The following ANKDD1B variants were observed in gnomAD, a reference collection of about 807,000 sequenced individuals.
ANKDD1B encodes ankyrin repeat and death domain-containing protein 1B.
In ANKDD1B, 57 loss-of-function variants were observed where a neutral mutation model predicts 59.7. The observed-to-expected ratio is 0.95, with a 90% CI of 0.77 to 1.19. ANKDD1B has a LOEUF of 1.19. ANKDD1B is among the 50% of genes most tolerant of loss of function. The pLI is 0.00. For synonymous variants in ANKDD1B, 216 were observed against 239.5 expected (o/e 0.90, Z 0.91); for missense variants, 602 against 641.9 (o/e 0.94, Z 0.67).
rs1228034176 is a variant in ANKDD1B at position 75,614,608 on chromosome 5, G to T, written c.194-2196G>T. ...ACACATGGCTTCCAGTGTTGATAAG[G>T]CAGGGAAAAGAGACCTAGAGGGTGA... On this transcript the variant is annotated intron_variant, in intron 1 of 13. Coordinates refer to ENST00000601380, the MANE Select transcript of ANKDD1B (RefSeq NM_001276713.2). 2.6e-5 allele frequency among the ~76,000 whole-genome samples: 4 copies of T among 152,118 alleles called. No individual in the cohort carries two copies. In the East Asian group the frequency reaches 7.7e-4, roughly 29 times the overall value.
At chr5:75,659,657 G>T (rs1190367278) in intron 10 of ANKDD1B, among the ~76,000 whole-genome samples, 1 of 152,066 alleles carries the variant, frequency 6.6e-6, no homozygotes. Context: ...ATTAGTAAGG[G>T]TTTAACAGTA....
rs1773566735 is a variant in ANKDD1B at position 75,611,833 on chromosome 5, T to A, written c.193+6T>A. The A allele has an allele frequency of 8.1e-7, 1 of 1,231,578 alleles. No homozygotes were observed. 76.3% of individuals were successfully genotyped at this position (1,231,578 alleles called of 1,614,324 possible). ...AGTTGCCGGACACGAGCTCCGTGAG[T>A]CCCGGGACGAGGTCTCAGAAAATCA... On this transcript the variant is annotated splice_donor_region_variant and intron_variant, in intron 1 of 13. Transcript: ENST00000601380.
intron 5 of ANKDD1B, among the ~76,000 whole-genome samples, chr5:75,626,926 G>C (rs1462707588): frequency 6.6e-6 from 1 of 152,084 alleles, no homozygotes; most frequent in African/African-American, 2.4e-5. Context: ...CACCATAAAA[G>C]TTTCTTTAGA....
At chr5:75,631,570 G>A (rs575433332) in intron 5 of ANKDD1B, among the ~76,000 whole-genome samples, 1 of 152,296 alleles carries the variant, frequency 6.6e-6, no homozygotes, top group African/African-American at 2.4e-5. Flanking sequence ...TGGGGCATGA[G>A]CCTTCTAAGC....
At chr5:75,667,049 G>A (rs1047114232) in intron 12 of ANKDD1B, 56 bp downstream of exon 12, 25 of 1,174,506 alleles carry the variant, frequency 2.1e-5, no homozygotes, top group Non-Finnish European at 2.3e-6. Context: ...GAACAGCAGT[G>A]CCTCCTGGTG....
At chr5:75,637,710 A>T in intron 7 of ANKDD1B, among the ~76,000 whole-genome samples, 1 of 152,100 alleles carries the variant, frequency 6.6e-6, no homozygotes, top group Admixed American at 6.6e-5. Context: ...AAGCAAGATA[A>T]CTCAGTTAAT....
At chr5:75,625,042 A>G (rs1204255098) in intron 3 of ANKDD1B, among the ~76,000 whole-genome samples, 1 of 152,162 alleles carries the variant, frequency 6.6e-6, no homozygotes, top group African/African-American at 2.4e-5. Flanking sequence ...TTTTAGTGTT[A>G]CAATTACTAT....
rs1204571577 is a variant in ANKDD1B, at chr5:75,625,855, G to A, written c.500G>A (p.Gly167Glu). The change falls in exon 5 of 14, where the codon GGA becomes GAA. Residue 167 changes from glycine to glutamate, a missense_variant. Physicochemically the swap from Gly to Glu is moderately conservative, Grantham distance 98. This residue lies in a region of ANKDD1B where 317 missense variants were observed against 304.6 expected (regional missense o/e 1.04). Coordinates refer to ENST00000601380, the MANE Select transcript of ANKDD1B (RefSeq NM_001276713.2). ...CCCACCCCTGGTTCTCTTCAGGATG[G>A]AATGAGCGCCCTCCACTTTGCCACT... Reference protein sequence around the residue: ...GADQRAKNQDGMSALHFATQS... With the variant: ...GADQRAKNQDEMSALHFATQS... The A allele has an allele frequency of 1.4e-5, 22 of 1,536,164 alleles. No homozygotes were observed. The highest frequency in any genetic ancestry group is 1.7e-5 in the Non-Finnish European group (20 of 1,146,726).
chr5:75,667,904 A>T (rs919601170), intron 12 of ANKDD1B, among the ~76,000 whole-genome samples: 3 of 152,216 alleles, frequency 2.0e-5, no homozygotes, highest in Admixed American at 2.0e-4. Flanking sequence ...GTAAATTATG[A>T]GACTTTGTAT....
chr5:75,623,511 T>C (rs538660520), intron 3 of ANKDD1B, among the ~76,000 whole-genome samples: 1 of 152,338 alleles, frequency 6.6e-6, no homozygotes, highest in East Asian at 1.9e-4. Flanking sequence ...CATTTCTCTT[T>C]GGAACAAAGA....
intron 2 of ANKDD1B, among the ~76,000 whole-genome samples, chr5:75,617,888 TCATGTCC>T: frequency 6.6e-6 from 1 of 152,174 alleles, no homozygotes; most frequent in Middle Eastern, 3.4e-3. Context: ...GAATCTGAAA[TCATGTCC>T]CACGTGCAGT....
intron 10 of ANKDD1B, 63 bp from the exon 11 acceptor site, chr5:75,663,331 C>T (rs1054471830): frequency 3.4e-5 from 44 of 1,281,796 alleles, no homozygotes; most frequent in Non-Finnish European, 4.5e-5. Flanking sequence ...CCCCTTGTTC[C>T]AAAACTAGAG....
rs148559549 is a variant in ANKDD1B at position 75,629,476 on chromosome 5, C to T, written c.600+3521C>T. Among the ~76,000 whole-genome samples the T allele has an allele frequency of 8.5e-5, 13 of 152,188 alleles. No homozygotes were observed. The East Asian group carries it at 2.5e-3, about 29-fold the overall frequency. On this transcript the variant is annotated intron_variant, in intron 5 of 13. Coordinates refer to ENST00000601380, the MANE Select transcript of ANKDD1B (RefSeq NM_001276713.2). The stretch of plus-strand genomic sequence containing the variant: ...TGTGGTAAAGGAAGGTCAGGTTGAA[C>T]TTTGGATACCCACTTAATGGCTATT...
At chr5:75,657,326 TTA>T (rs1775003214) in intron 9 of ANKDD1B, among the ~76,000 whole-genome samples, 1 of 151,998 alleles carries the variant, frequency 6.6e-6, no homozygotes, top group African/African-American at 2.4e-5. Context: ...ATAGGAAATT[TTA>T]TATTTTAAAT....
At chr5:75,625,052 T>A (rs1490403787) in intron 3 of ANKDD1B, among the ~76,000 whole-genome samples, 1 of 152,190 alleles carries the variant, frequency 6.6e-6, no homozygotes, top group East Asian at 1.9e-4. Flanking sequence ...ACAATTACTA[T>A]CCTTATATAT....
chr5:75,625,608 C>T (rs1357753689), intron 3 of ANKDD1B, 39 bp from the exon 4 acceptor site: 1 of 1,490,824 alleles, frequency 6.7e-7, no homozygotes, highest in East Asian at 2.5e-5. Context: ...TGCAGCTTGT[C>T]AGAGTGATAG....
Position 75,656,080 on chromosome 5 carries a change from G to A in ANKDD1B, c.949G>A (p.Val317Ile). ...LVVINNHITV[V>I]NSLLSAQHDI... The stretch of plus-strand genomic sequence containing the variant: ...TGTTATCAACAACCACATCACGGTT[G>A]TAAACAGTTTATTAAGTGCACAGCA... Residue 317 changes from valine (V) to isoleucine (I), a missense_variant, in exon 9 of 14, where the codon GTA (valine) becomes ATA (isoleucine). Around this residue, in one of 3 missense-constraint regions of ANKDD1B, gnomAD observed 280 missense variants for 319.8 expected, o/e 0.88. Transcript: ENST00000601380. 3 of 1,530,294 alleles carry A rather than the reference G, an allele frequency of 2.0e-6. No individual in the cohort carries two copies. Among genetic ancestry groups the A allele is most frequent in the Non-Finnish European group, 2.6e-6 (3 of 1,141,780 alleles). 94.8% of individuals were successfully genotyped at this position (1,530,294 alleles called of 1,614,324 possible). A position where few individuals can be genotyped will look rare whatever the true frequency, so the allele number is the denominator to read the frequency against.
chr5:75,659,519 A>C (rs1035971624), intron 10 of ANKDD1B, 138 bp downstream of exon 10: 3 of 657,362 alleles, frequency 4.6e-6, no homozygotes, highest in Non-Finnish European at 7.9e-6. Flanking sequence ...CTTCATAGTC[A>C]GTAAAATACC....
chr5:75,658,502 T>C (rs988674027), intron 9 of ANKDD1B, among the ~76,000 whole-genome samples: 3 of 152,214 alleles, frequency 2.0e-5, no homozygotes, highest in African/African-American at 7.2e-5. Context: ...GATAGGAAAA[T>C]GATTACTCCA....
Sources: allele counts gnomAD v4.1 joint callset (sites outside exome capture counted in the v4.1 genomes callset), GRCh38; gene constraint gnomAD v4.1.1; regional missense constraint gnomAD v4.1.1; transcripts MANE v1.5; gene names NCBI Gene and HGNC (gene_info 2026-07-23, HGNC 2026-07-21).